EXOC6B: variants seen among roughly 807,000 people sequenced by gnomAD.
EXOC6B encodes the protein SEC15 homolog B.
Under a neutral mutation model 113.5 loss-of-function variants are expected in EXOC6B, and 54 were observed. The ratio of observed to expected loss-of-function variants is 0.48; its 90% CI spans 0.38 to 0.60. The LOEUF is 0.60. Ranked by LOEUF, EXOC6B falls within the 20% of genes least tolerant of loss-of-function variation. EXOC6B has a pLI of 0.00. For missense variants in EXOC6B, 797 were observed against 977.5 expected, an observed-to-expected ratio of 0.82 and a Z score of 2.46; for synonymous variants, 357 against 339.0, an observed-to-expected ratio of 1.05 and a Z score of -0.58.
chr2:72,737,375 T>A (rs1681034545), intron 2 of EXOC6B, among the ~76,000 whole-genome samples: 1 of 152,034 alleles, frequency 6.6e-6, no homozygotes, highest in Non-Finnish European at 1.5e-5. Context: ...AGTTCTTTAA[T>A]ATACTTTCAG....
chr2:72,295,086 C>T (rs1385887809), intron 20 of EXOC6B, among the ~76,000 whole-genome samples: 1 of 151,848 alleles, frequency 6.6e-6, no homozygotes, highest in East Asian at 1.9e-4. Context: ...TAAAAATTAG[C>T]CGGGCATAGT....
intron 1 of EXOC6B, among the ~76,000 whole-genome samples, chr2:72,775,992 T>A (rs770437403): frequency 6.6e-5 from 10 of 152,202 alleles, no homozygotes; most frequent in Non-Finnish European, 1.3e-4. Flanking sequence ...TTGCAAGATG[T>A]TACTGAGGGG....
At chr2:72,536,382 CTA>C (rs1702292102) in intron 8 of EXOC6B, among the ~76,000 whole-genome samples, 1 of 152,094 alleles carries the variant, frequency 6.6e-6, no homozygotes, top group African/African-American at 2.4e-5. Context: ...TTTCTGAAAT[CTA>C]TATGTATATA....
chr2:72,259,275 C>G (rs1306171481), intron 20 of EXOC6B, among the ~76,000 whole-genome samples: 1 of 152,158 alleles, frequency 6.6e-6, no homozygotes, highest in Non-Finnish European at 1.5e-5. Context: ...TTCACATAAA[C>G]AAGATCATAC....
intron 8 of EXOC6B, among the ~76,000 whole-genome samples, chr2:72,540,257 C>T (rs543717859): frequency 1.3e-5 from 2 of 151,944 alleles, no homozygotes; most frequent in African/African-American, 2.4e-5. Flanking sequence ...AATAAACATA[C>T]GTGTGCATGT....
At chr2:72,525,523 A>G (rs1333729148) in intron 8 of EXOC6B, among the ~76,000 whole-genome samples, 1 of 152,126 alleles carries the variant, frequency 6.6e-6, no homozygotes, top group Non-Finnish European at 1.5e-5. Flanking sequence ...GACTTCCTCA[A>G]TGATGAAGGT....
chr2:72,523,517 G>A (rs1396925280), intron 8 of EXOC6B, among the ~76,000 whole-genome samples: 1 of 152,212 alleles, frequency 6.6e-6, no homozygotes, highest in East Asian at 1.9e-4. Flanking sequence ...GGTGGCTCAC[G>A]CCTGTAATCC....
chr2:72,330,626 C>G (rs1310874626), intron 20 of EXOC6B, among the ~76,000 whole-genome samples: 1 of 152,064 alleles, frequency 6.6e-6, no homozygotes, highest in Non-Finnish European at 1.5e-5. Context: ...ATAGGCCTCT[C>G]TACTTCACGG....
chr2:72,557,859 G>T (rs562797607), intron 8 of EXOC6B, among the ~76,000 whole-genome samples: 55 of 152,052 alleles, frequency 3.6e-4, no homozygotes, highest in Non-Finnish European at 5.7e-4. Context: ...TTTTATTTTT[G>T]TTAAAAGTGT....
chr2:72,528,421 T>G (rs1048964847), intron 8 of EXOC6B, among the ~76,000 whole-genome samples: 1 of 152,120 alleles, frequency 6.6e-6, no homozygotes, highest in African/African-American at 2.4e-5. Flanking sequence ...GCCAATACCA[T>G]GCCATCTTGA....
At chr2:72,213,411 C>T (rs377365177) in intron 20 of EXOC6B, among the ~76,000 whole-genome samples, 45 of 129,316 alleles carry the variant, frequency 3.5e-4, no homozygotes, top group African/African-American at 6.9e-4. Flanking sequence ...GGAAATATTC[C>T]TCCTAGAGAA....
chr2:72,823,966 A>T (rs1686749998), intron 1 of EXOC6B, among the ~76,000 whole-genome samples: 1 of 152,184 alleles, frequency 6.6e-6, no homozygotes, highest in Non-Finnish European at 1.5e-5. Context: ...ATTGACCCTT[A>T]AGAGCTGAAG....
chr2:72,719,672 A>G (rs1367452779), intron 5 of EXOC6B, among the ~76,000 whole-genome samples: 1 of 152,242 alleles, frequency 6.6e-6, no homozygotes, highest in African/African-American at 2.4e-5. Context: ...CATAACCTCT[A>G]ACCAATCATT....
Position 72,421,857 on chromosome 2 carries a change from G to A in EXOC6B, c.1981-41987C>T, listed in dbSNP as rs186449398. Among the ~76,000 whole-genome samples, 654 of 152,322 alleles carry A rather than the reference G, an allele frequency of 4.3e-3. 5 individuals carry two copies. The highest frequency in any genetic ancestry group is 0.014 in the African/African-American group (583 of 41,576). On this transcript the variant is annotated intron_variant, in intron 18 of 21. Coordinates refer to ENST00000272427, the MANE Select transcript of EXOC6B (RefSeq NM_015189.3). ...AGGCGCGAGCGGGAACCGGGGCTGC[G>A]TGCAGCGCTTGCGGGCCAGCTGGAG...
chr2:72,825,991 A>G lies in EXOC6B; in HGVS notation c.-81T>C. ...TGCCCCACAATGCCGCTCCCACCAC[A>G]GGCTCCACAGCCGCCCCAGCCTCTG... On this transcript the variant is annotated 5_prime_UTR_variant, in exon 1 of 22. Transcript: ENST00000272427. The surrounding 1 kb of genome is among the most constrained non-coding windows in gnomAD (Gnocchi z 4.4). The G allele has an allele frequency of 6.5e-7, 1 of 1,545,362 alleles. No individual in the cohort carries two copies. The highest frequency in any genetic ancestry group is 8.7e-7 in the Non-Finnish European group (1 of 1,148,298).
chr2:72,669,696 G>A (rs745886405), intron 6 of EXOC6B, among the ~76,000 whole-genome samples: 1 of 152,158 alleles, frequency 6.6e-6, no homozygotes, highest in South Asian at 2.1e-4. Flanking sequence ...TGTGTGTTGC[G>A]GGAAAGCATG....
chr2:72,227,749 TA>T (rs1681337024), intron 20 of EXOC6B, among the ~76,000 whole-genome samples: 2 of 152,168 alleles, frequency 1.3e-5, no homozygotes. Flanking sequence ...ATCACTGAAA[TA>T]AAATTATAAA....
At chr2:72,477,162 T>TA (rs1266133318) in intron 17 of EXOC6B, among the ~76,000 whole-genome samples, 1 of 152,226 alleles carries the variant, frequency 6.6e-6, no homozygotes, top group Non-Finnish European at 1.5e-5. Context: ...TCTAAATTTT[T>TA]ATCTCTAGCT....
At chr2:72,200,684 A>G (rs1383466269) in intron 20 of EXOC6B, among the ~76,000 whole-genome samples, 1 of 152,276 alleles carries the variant, frequency 6.6e-6, no homozygotes, top group Admixed American at 6.5e-5. Context: ...TGGTTGGAAT[A>G]CAGGCCCCTG....
Sources: gnomAD v4.1 joint callset for allele counts (sites outside exome capture counted in the v4.1 genomes callset) on GRCh38, gnomAD v4.1.1 for gene constraint, Gnocchi (gnomAD v3.1) non-coding constraint, MANE v1.5 for transcripts, NCBI Gene and HGNC (gene_info 2026-07-23, HGNC 2026-07-21) for gene names.